EFCAB5: variants seen among roughly 807,000 people sequenced by gnomAD.
EFCAB5 encodes the protein EF-hand calcium-binding domain-containing protein 5.
A neutral mutation model predicts 167.9 loss-of-function variants in EFCAB5; 131 were observed. The observed-to-expected ratio is 0.78, with a 90% CI of 0.68 to 0.90. The LOEUF is 0.90. Ranked by LOEUF, EFCAB5 falls within the 40% of genes least tolerant of loss-of-function variation. The pLI is 0.00. For synonymous variants in EFCAB5, 574 were observed against 602.8 expected (o/e 0.95, Z 0.70); for missense variants, 1,663 against 1,745.2 (o/e 0.95, Z 0.84).
At chr17:29,989,504 A>T (rs983533817) in intron 4 of EFCAB5, among the ~76,000 whole-genome samples, 3 of 152,220 alleles carry the variant, frequency 2.0e-5, no homozygotes, top group Non-Finnish European at 4.4e-5. Flanking sequence ...TTCACAGTCT[A>T]GCTCAGCTAA....
At position 30,054,112 on chromosome 17, in the gene EFCAB5, G is replaced by A. The variant is rs1415102608; in HGVS notation, c.2158G>A (p.Glu720Lys). ...ATTCCTGAGTTCTGAACTGCAAGAGGAAGTTCCAACCTTAAGCAGAAAAGA... is the reference window on the plus strand; with the variant it reads ...ATTCCTGAGTTCTGAACTGCAAGAGAAAGTTCCAACCTTAAGCAGAAAAGA... ...EIFLSSELQE[E>K]VPTLSRKDHF... The change falls in exon 10 of 23, where the codon GAA becomes AAA. Residue 720 changes from glutamate to lysine, a missense_variant. Coordinates refer to ENST00000394835, the MANE Select transcript of EFCAB5 (RefSeq NM_198529.4). 9 of 1,573,428 alleles carry A rather than the reference G, an allele frequency of 5.7e-6. No individual in the cohort carries two copies. Among genetic ancestry groups the A allele is most frequent in the Non-Finnish European group, 6.9e-6 (8 of 1,160,172 alleles).
chr17:30,069,602 T>C, intron 14 of EFCAB5: 1 of 1,613,090 alleles, frequency 6.2e-7, no homozygotes, highest in Non-Finnish European at 8.5e-7. Flanking sequence ...GTGCTCCTTC[T>C]CCTTGCTCTT....
At chr17:30,050,552 C>G (rs185173786) in intron 8 of EFCAB5, among the ~76,000 whole-genome samples, 1 of 152,312 alleles carries the variant, frequency 6.6e-6, no homozygotes, top group East Asian at 1.9e-4. Context: ...GCCTCAGCCT[C>G]TGGAGTGGCT....
chr17:30,027,048 G>A (rs890687439), intron 7 of EFCAB5, among the ~76,000 whole-genome samples: 3 of 119,004 alleles, frequency 2.5e-5, no homozygotes, highest in Middle Eastern at 7.4e-3. Context: ...GTGCAGTGGC[G>A]CAATCTCAGC....
In EFCAB5 at chr17:29,996,306, T is replaced by C; in HGVS notation, c.925-6T>C. On this transcript the variant is annotated splice_polypyrimidine_tract_variant and splice_region_variant and intron_variant, in intron 5 of 22. Coordinates refer to ENST00000394835, the MANE Select transcript of EFCAB5 (RefSeq NM_198529.4). ...TTCTTTCTTTTTTTCCTCTTTTGAGTTGCAGATTCAGAATGTTCTTCAAGA... is the reference window on the plus strand; with the variant it reads ...TTCTTTCTTTTTTTCCTCTTTTGAGCTGCAGATTCAGAATGTTCTTCAAGA... 1 of 1,549,372 alleles carries C rather than the reference T, an allele frequency of 6.5e-7. No homozygotes were observed. The highest frequency in any genetic ancestry group is 8.7e-7 in the Non-Finnish European group (1 of 1,146,160).
At chr17:29,985,166 G>A (rs2068254933) in intron 4 of EFCAB5, among the ~76,000 whole-genome samples, 1 of 152,288 alleles carries the variant, frequency 6.6e-6, no homozygotes, top group Admixed American at 6.5e-5. Context: ...ACAATTAAAA[G>A]CACAGTTTTT....
upstream of EFCAB5, among the ~76,000 whole-genome samples, chr17:29,938,005 T>C (rs1372585926): frequency 1.3e-5 from 2 of 152,194 alleles, no homozygotes; most frequent in Non-Finnish European, 2.9e-5. Context: ...TATATACTAG[T>C]GGCAATGCTA....
chr17:29,996,098 AT>A (rs944955348), intron 5 of EFCAB5, among the ~76,000 whole-genome samples: 5 of 151,992 alleles, frequency 3.3e-5, no homozygotes, highest in East Asian at 1.9e-4. Context: ...AAATCCATGC[AT>A]TTTTTTTCAT....
At chr17:30,058,962 T>C (rs2070348250) in intron 13 of EFCAB5, 1 of 151,328 alleles carries the variant, frequency 6.6e-6, no homozygotes. Flanking sequence ...GGTCAAAGAT[T>C]CTTAAGGTTT....
Position 30,034,212 on chromosome 17 carries a change from C to CT in EFCAB5, c.1045-10dup, listed in dbSNP as rs746429554. On this transcript the variant is annotated splice_polypyrimidine_tract_variant and intron_variant, in intron 7 of 22. Coordinates refer to ENST00000394835, the MANE Select transcript of EFCAB5 (RefSeq NM_198529.4). ...TGGTTTTAAGTCAATCGTTTATCCT[C>CT]TTTTTTTTCCCCTGTAGTACATCTC... is the stretch of plus-strand genomic sequence containing the variant. 1.7e-5 allele frequency: 27 copies of CT among 1,610,018 alleles called. No homozygotes were observed. The highest frequency in any genetic ancestry group is 1.3e-4 in the South Asian group (12 of 90,556).
In EFCAB5 at chr17:30,090,692, T is replaced by C; in HGVS notation, c.3937+18T>C. ...TATCTTAGGTATCGTTCATGTGGCA[T>C]CAGTCTAAATTCACAGGTTTAATAG... is the stretch of plus-strand genomic sequence containing the variant. On this transcript the variant is annotated intron_variant, in intron 20 of 22. Coordinates refer to ENST00000394835, the MANE Select transcript of EFCAB5 (RefSeq NM_198529.4). The C allele has an allele frequency of 6.2e-7, 1 of 1,600,714 alleles. No individual in the cohort carries two copies. The highest frequency in any genetic ancestry group is 8.5e-7 in the Non-Finnish European group (1 of 1,174,946).
intron 4 of EFCAB5, among the ~76,000 whole-genome samples, chr17:29,991,596 G>A (rs1027303220): frequency 6.6e-6 from 1 of 152,210 alleles, no homozygotes. Context: ...GCGGTTTTCT[G>A]CCCAGGGTGG....
chr17:30,064,247 C>T (rs1345917143), intron 14 of EFCAB5, among the ~76,000 whole-genome samples: 1 of 152,074 alleles, frequency 6.6e-6, no homozygotes, highest in Non-Finnish European at 1.5e-5. Context: ...CAAGAAAATT[C>T]AGATTGACAG....
In EFCAB5 at chr17:29,944,929, G is replaced by A. The variant is rs984103027; in HGVS notation, c.190+1280G>A. On this transcript the variant is annotated intron_variant, in intron 3 of 22. Transcript: ENST00000394835. ...TGAGCCACTGTGCCCGGCCAACACT[G>A]TTTACTGTTTTTACTCCTGTACTTG... is the stretch of plus-strand genomic sequence containing the variant. 6.6e-5 allele frequency among the ~76,000 whole-genome samples: 10 copies of A among 152,040 alleles called. 1 individual carries two copies. In the South Asian group the frequency reaches 2.1e-3, roughly 32 times the overall value.
chr17:29,946,254 G>GA (rs2067394323), intron 3 of EFCAB5, among the ~76,000 whole-genome samples: 1 of 151,956 alleles, frequency 6.6e-6, no homozygotes, highest in South Asian at 2.1e-4. Flanking sequence ...TAATCATCAG[G>GA]AAAATGCAAA....
Position 30,048,344 on chromosome 17 carries a change from T to TA in EFCAB5, c.1201-2763dup, listed in dbSNP as rs112459093. Among the ~76,000 whole-genome samples the TA allele has an allele frequency of 7.2e-3, 1,057 of 146,318 alleles. 6 individuals carry two copies. Among genetic ancestry groups the TA allele is most frequent in the African/African-American group, 0.024 (945 of 40,192 alleles). On this transcript the variant is annotated intron_variant, in intron 8 of 22. Transcript: ENST00000394835. Reference sequence around the variant, plus strand: ...GAACTTTCCCTGTCTGCCAGAATGTTAAAAAAAAAAATACATAATCATATA... The same window carrying TA: ...GAACTTTCCCTGTCTGCCAGAATGTTAAAAAAAAAAAATACATAATCATATA...
In EFCAB5 at chr17:30,080,093, A is replaced by T; in HGVS notation, c.3049A>T (p.Lys1017Ter). ...LMQDAEAHGN[K>*]KISAHISLLE... ...GTAGGATGCTGAAGCCCATGGAAAT[A>T]AAAAGATCAGTGCTCACATTTCCCT... is the stretch of plus-strand genomic sequence containing the variant. The change falls in exon 16 of 23, where the codon AAA becomes TAA. Residue 1017 changes from lysine to a stop codon, truncating the protein, a stop_gained. Coordinates refer to ENST00000394835, the MANE Select transcript of EFCAB5 (RefSeq NM_198529.4). LOFTEE classifies it high-confidence loss of function. 1.2e-6 allele frequency: 2 copies of T among 1,608,550 alleles called. No homozygotes were observed. Among genetic ancestry groups the T allele is most frequent in the Non-Finnish European group, 1.7e-6 (2 of 1,178,212 alleles).
intron 14 of EFCAB5, chr17:30,074,511 A>G (rs2070829226): frequency 6.6e-6 from 1 of 152,168 alleles, no homozygotes; most frequent in South Asian, 2.1e-4. Context: ...ATTGCTGAGT[A>G]GTATTCCATT....
chr17:30,107,998 C>T lies in EFCAB5; in HGVS notation c.4486C>T (p.Pro1496Ser). 6.2e-7 allele frequency: 1 copy of T among 1,606,236 alleles called. No homozygotes were observed. The highest frequency in any genetic ancestry group is 2.3e-5 in the East Asian group (1 of 44,406). Residue 1496 changes from proline to serine, a missense_variant, in exon 23 of 23, where the codon CCA becomes TCA. Physicochemically the swap from Pro to Ser is moderately conservative, Grantham distance 74. Transcript: ENST00000394835. The part of the protein sequence containing the change: ...KTDNYMYAKM[P>S]GEGLQEK ...TGACAATTATATGTATGCAAAAATG[C>T]CAGGGGAAGGTTTGCAAGAGAAGTG...
Sources: gnomAD v4.1 joint callset for allele counts (sites outside exome capture counted in the v4.1 genomes callset) on GRCh38, gnomAD v4.1.1 for gene constraint, MANE v1.5 for transcripts, NCBI Gene and HGNC (gene_info 2026-07-23, HGNC 2026-07-21) for gene names.